The following SFMBT1 variants were observed in gnomAD, a reference collection of about 807,000 sequenced individuals.
SFMBT1 encodes scm-like with four MBT domains protein 1.
In SFMBT1, 32 loss-of-function variants were observed where a neutral mutation model predicts 108.7. The ratio of observed to expected loss-of-function variants is 0.29; its 90% CI spans 0.22 to 0.40. The LOEUF (loss-of-function observed/expected upper bound fraction) is 0.40. Among genes scored for constraint, SFMBT1 ranks in the 10% least tolerant of loss-of-function variants. The pLI, the probability that SFMBT1 is intolerant of heterozygous loss-of-function variation, is 1.00. For missense variants in SFMBT1, 816 were observed against 1,059.6 expected, an observed-to-expected ratio of 0.77 and a Z score of 3.19; for synonymous variants, 348 against 369.5, an observed-to-expected ratio of 0.94 and a Z score of 0.67.
At chr3:52,910,558 A>T (rs1440916588) in intron 17 of SFMBT1, among the ~76,000 whole-genome samples, 6 of 151,862 alleles carry the variant, frequency 4.0e-5, no homozygotes, top group Non-Finnish European at 2.9e-5. Flanking sequence ...GCGCAATCTC[A>T]GCTCACTGCA....
Position 52,984,726 on chromosome 3 carries a change from C to CTGTGTGTGTGTGTGTG in SFMBT1, c.-130-15484_-130-15469dup, listed in dbSNP as rs57308874. The stretch of plus-strand genomic sequence containing the variant: ...TATATACTGAATACTATACTAAATA[C>CTGTGTGTGTGTGTGTG]TGTGTGTGTGTGTGTGTGTGTGTGT... On this transcript the variant is annotated intron_variant, in intron 1 of 20. Coordinates refer to ENST00000394752, the MANE Select transcript of SFMBT1 (RefSeq NM_016329.4). Among the ~76,000 whole-genome samples the CTGTGTGTGTGTGTGTG allele has an allele frequency of 2.2e-4, 31 of 140,244 alleles. 1 individual carries two copies. The highest frequency in any genetic ancestry group is 6.7e-4 in the African/African-American group (25 of 37,372). The allele number at this position is 140,244 out of a possible 152,430, so 92.0% of individuals were successfully genotyped here.
intron 2 of SFMBT1, among the ~76,000 whole-genome samples, chr3:52,957,019 G>T (rs1032418240): frequency 2.0e-5 from 3 of 152,066 alleles, no homozygotes; most frequent in Admixed American, 6.6e-5. Context: ...CAAATAGGAA[G>T]AGAGGAAGTC....
At chr3:53,001,852 G>A (rs1029752071) in intron 1 of SFMBT1, among the ~76,000 whole-genome samples, 1 of 147,550 alleles carries the variant, frequency 6.8e-6, no homozygotes, top group African/African-American at 2.5e-5. Context: ...GTAGGCCCAG[G>A]AGGTCAAGGC....
rs544437079 is a variant in SFMBT1 at position 52,973,802 on chromosome 3, GTA to G, written c.-130-4546_-130-4545del. ...TGAGCTACCATGCCTGGCTAATTTT[GTA>G]TTGTGGTAGAGACCACGTTGGCCAG... On this transcript the variant is annotated intron_variant, in intron 1 of 20. Coordinates refer to ENST00000394752, the MANE Select transcript of SFMBT1 (RefSeq NM_016329.4). Among the ~76,000 whole-genome samples, 248 of 152,054 alleles carry G rather than the reference GTA, an allele frequency of 1.6e-3. 1 individual carries two copies. The highest frequency in any genetic ancestry group is 3.0e-3 in the Non-Finnish European group (205 of 67,980).
chr3:52,916,154 C>T lies in SFMBT1; in HGVS notation c.1476G>A (p.Glu492=). 6.2e-7 allele frequency: 1 copy of T among 1,613,926 alleles called. No individual in the cohort carries two copies. Among genetic ancestry groups the T allele is most frequent in the Non-Finnish European group, 8.5e-7 (1 of 1,179,872 alleles). Reference sequence around the variant, plus strand: ...TAAGATGACATGTGCTTATACCTGACTCTGTGGAGTTCAGCTCCTGATTCC... The same window carrying T: ...TAAGATGACATGTGCTTATACCTGATTCTGTGGAGTTCAGCTCCTGATTCC... The part of the protein sequence containing the change: ...GLRNQELNST[E]SVMINGKYCC... The change falls in exon 14 of 21, where the codon GAG becomes GAA. Residue 492 remains glutamate, a synonymous_variant. Coordinates refer to ENST00000394752, the MANE Select transcript of SFMBT1 (RefSeq NM_016329.4).
At chr3:53,013,983 CACTT>C (rs1699043634) in intron 1 of SFMBT1, among the ~76,000 whole-genome samples, 1 of 152,148 alleles carries the variant, frequency 6.6e-6, no homozygotes, top group South Asian at 2.1e-4. Context: ...AGAGAGCTGA[CACTT>C]AGTGCTTACC....
chr3:52,916,967 G>C (rs955152178), intron 13 of SFMBT1, among the ~76,000 whole-genome samples: 2 of 152,000 alleles, frequency 1.3e-5, no homozygotes, highest in East Asian at 3.9e-4. Flanking sequence ...GACAAATTAT[G>C]TTATTTAAAA....
intron 13 of SFMBT1, 67 bp downstream of exon 13, chr3:52,918,417 C>A (rs3733034): frequency 2.4e-6 from 3 of 1,225,780 alleles, no homozygotes; most frequent in Non-Finnish European, 3.4e-6. Context: ...AGGAAATATA[C>A]CCTCTGAAAT....
At chr3:53,004,305 G>A (rs72965345) in intron 1 of SFMBT1, among the ~76,000 whole-genome samples, 15,062 of 137,740 alleles carry the variant, frequency 0.11, 2,366 homozygotes, top group African/African-American at 0.32. Flanking sequence ...ATGGAGTCTC[G>A]CTCTGTCGCC....
intron 15 of SFMBT1, 42 bp from the exon 16 acceptor site, chr3:52,912,689 A>C: frequency 7.1e-7 from 1 of 1,412,788 alleles, no homozygotes; most frequent in Non-Finnish European, 1.0e-6. Context: ...TGGGAAGGAG[A>C]AAAGCAGACC....
At chr3:52,981,715 T>A (rs1704718579) in intron 1 of SFMBT1, among the ~76,000 whole-genome samples, 1 of 151,908 alleles carries the variant, frequency 6.6e-6, no homozygotes, top group Non-Finnish European at 1.5e-5. Context: ...GTGCTCTATT[T>A]TGGGGGAAAA....
chr3:52,977,245 T>G (rs908772894), intron 1 of SFMBT1, among the ~76,000 whole-genome samples: 1 of 152,172 alleles, frequency 6.6e-6, no homozygotes, highest in Middle Eastern at 3.2e-3. Flanking sequence ...GAGCGGTGGC[T>G]AACGCATGTA....
At chr3:52,930,268 C>A in intron 8 of SFMBT1, 61 bp downstream of exon 8, 2 of 1,003,040 alleles carry the variant, frequency 2.0e-6, no homozygotes, top group African/African-American at 3.2e-5. Flanking sequence ...AAAACACTAC[C>A]CATTTCCTAA....
intron 8 of SFMBT1, among the ~76,000 whole-genome samples, chr3:52,929,862 T>C (rs1702804695): frequency 6.6e-6 from 1 of 152,232 alleles, no homozygotes; most frequent in African/African-American, 2.4e-5. Flanking sequence ...TTTGTCAGTA[T>C]TCCAAAAGAT....
At chr3:52,935,606 C>T (rs981431569) in intron 4 of SFMBT1, among the ~76,000 whole-genome samples, 5 of 152,138 alleles carry the variant, frequency 3.3e-5, no homozygotes, top group Non-Finnish European at 5.9e-5. Context: ...TATTTTAGTA[C>T]ATATTTCTAA....
intron 2 of SFMBT1, among the ~76,000 whole-genome samples, 168 bp from the exon 3 acceptor site, chr3:52,954,579 T>C (rs970300039): frequency 1.3e-5 from 2 of 152,238 alleles, no homozygotes; most frequent in African/African-American, 4.8e-5. Flanking sequence ...TTTTAAATGA[T>C]AGGTGCCCTT....
intron 1 of SFMBT1, among the ~76,000 whole-genome samples, chr3:53,008,496 A>T (rs1698825350): frequency 6.6e-6 from 1 of 152,164 alleles, no homozygotes; most frequent in Non-Finnish European, 1.5e-5. Flanking sequence ...AGTACTAAAT[A>T]AGTCTTCCAT....
intron 1 of SFMBT1, among the ~76,000 whole-genome samples, chr3:53,011,908 G>C (rs1698957191): frequency 1.3e-5 from 2 of 152,178 alleles, no homozygotes; most frequent in African/African-American, 2.4e-5. Context: ...TTGTAGGTTT[G>C]CAAGTCAACT....
intron 1 of SFMBT1, among the ~76,000 whole-genome samples, chr3:52,982,789 T>C (rs1019330091): frequency 5.2e-5 from 7 of 134,654 alleles, no homozygotes; most frequent in Non-Finnish European, 1.1e-4. Context: ...AGCTAATAGA[T>C]AGCACACCAG....
Sources: allele counts gnomAD v4.1 joint callset (sites outside exome capture counted in the v4.1 genomes callset), GRCh38; gene constraint gnomAD v4.1.1; transcripts MANE v1.5; gene names NCBI Gene and HGNC (gene_info 2026-07-23, HGNC 2026-07-21).